ATM: variants seen among roughly 807,000 people sequenced by gnomAD.
ATM encodes the protein serine-protein kinase ATM.
Under a neutral mutation model 387.0 loss-of-function variants are expected in ATM, and 308 were observed. The ratio of observed to expected loss-of-function variants is 0.80; its 90% CI spans 0.73 to 0.87. The LOEUF is 0.87. Among genes scored for constraint, ATM ranks in the 40% least tolerant of loss-of-function variants. The pLI is 0.00. For missense variants in ATM, 3,312 were observed against 3,560.9 expected (o/e 0.93, Z 1.78); for synonymous variants, 1,156 against 1,187.3 (o/e 0.97, Z 0.54).
intron 40 of ATM, among the ~76,000 whole-genome samples, chr11:108,313,238 C>T (rs912378789): frequency 1.3e-5 from 2 of 152,118 alleles, no homozygotes; most frequent in Non-Finnish European, 2.9e-5. Context: ...ATGCTGTTCT[C>T]CCTCTGAACT....
intron 61 of ATM, among the ~76,000 whole-genome samples, chr11:108,357,301 C>A (rs1169973597): frequency 6.6e-6 from 1 of 152,172 alleles, no homozygotes; most frequent in East Asian, 1.9e-4. Flanking sequence ...CCTACGCCCA[C>A]GGAGTCTCGC....
chr11:108,315,950 G>A (rs760006500), intron 41 of ATM, 39 bp downstream of exon 41: 1 of 1,606,932 alleles, frequency 6.2e-7, no homozygotes, highest in South Asian at 1.1e-5. Flanking sequence ...TAGTAATTCT[G>A]TTTATGAAGG....
intron 5 of ATM, among the ~76,000 whole-genome samples, chr11:108,242,198 T>C (rs867146586): frequency 6.6e-6 from 1 of 152,302 alleles, no homozygotes. Flanking sequence ...GCAGATCCTA[T>C]AGATATTCAA....
At chr11:108,241,121 GT>G (rs1390378706) in intron 5 of ATM, among the ~76,000 whole-genome samples, 1 of 152,110 alleles carries the variant, frequency 6.6e-6, no homozygotes, top group East Asian at 1.9e-4. Context: ...CCTACATAAG[GT>G]CAGGATCATC....
intron 24 of ATM, among the ~76,000 whole-genome samples, chr11:108,281,979 T>G (rs2082257746): frequency 6.6e-6 from 1 of 152,150 alleles, no homozygotes; most frequent in Non-Finnish European, 1.5e-5. Context: ...ATTTATTTAT[T>G]TTGAAAGACA....
At chr11:108,357,161 C>G (rs1017018727) in intron 61 of ATM, among the ~76,000 whole-genome samples, 1 of 152,222 alleles carries the variant, frequency 6.6e-6, no homozygotes, top group Non-Finnish European at 1.5e-5. Context: ...AGTTCCCTTT[C>G]CTAGTCAAAG....
rs786203953 is a variant in ATM, at chr11:108,293,417, G to C, written c.4716G>C (p.Lys1572Asn). Reference protein sequence around the residue: ...LDPFPDHVVFKDLRITQQKIK... With the variant: ...LDPFPDHVVFNDLRITQQKIK... ...CTTTTCCTGACCATGTTGTTTTTAA[G>C]GATTTGCGTATTACTCAGCAAAAAA... is the stretch of plus-strand genomic sequence containing the variant. Residue 1572 changes from lysine (K) to asparagine (N), a missense_variant, in exon 31 of 63, where the codon AAG (lysine) becomes AAC (asparagine). By Grantham distance (94) the Lys-to-Asn change is moderately conservative. Transcript: ENST00000675843. 1 of 1,612,386 alleles carries C rather than the reference G, an allele frequency of 6.2e-7. No homozygotes were observed. Among genetic ancestry groups the C allele is most frequent in the East Asian group, 2.2e-5 (1 of 44,750 alleles).
chr11:108,258,335 A>G (rs776454974), intron 15 of ATM, among the ~76,000 whole-genome samples: 2 of 152,210 alleles, frequency 1.3e-5, no homozygotes, highest in Non-Finnish European at 2.9e-5. Context: ...AGATTGCCTT[A>G]TGACTTTTAT....
At position 108,271,323 on chromosome 11, in the gene ATM, G is replaced by A. The variant is rs1555085118; in HGVS notation, c.2994G>A (p.Val998=). 2 of 1,613,628 alleles carry A rather than the reference G, an allele frequency of 1.2e-6. No homozygotes were observed. Among genetic ancestry groups the A allele is most frequent in the Non-Finnish European group, 1.7e-6 (2 of 1,179,956 alleles). Residue 998 remains valine (V), a synonymous_variant, in exon 20 of 63, where the codon GTG becomes GTA. Coordinates refer to ENST00000675843, the MANE Select transcript of ATM (RefSeq NM_000051.4). ...TTTTAAACCATGTCCTTCATGTAGT[G>A]AAAAACCTAGGTCAAAGCAATATGG... ...KTILNHVLHV[V]KNLGQSNMDS... is the part of the protein sequence containing the mutation.
chr11:108,252,071 T>C, intron 11 of ATM, 40 bp downstream of exon 11: 1 of 1,570,372 alleles, frequency 6.4e-7, no homozygotes, highest in Non-Finnish European at 8.7e-7. Context: ...TTTTTTTGTT[T>C]GTTTTATCAG....
rs1565371153 is a variant in ATM at position 108,244,817 on chromosome 11, ATATCT to A, written c.695_699del (p.Ile232SerfsTer20). 6.2e-7 allele frequency: 1 copy of A among 1,613,828 alleles called. No homozygotes were observed. Among genetic ancestry groups the A allele is most frequent in the East Asian group, 2.2e-5 (1 of 44,828 alleles). On this transcript the variant is annotated frameshift_variant, in exon 7 of 63. Transcript: ENST00000675843. LOFTEE classifies it high-confidence loss of function. The stretch of plus-strand genomic sequence containing the variant: ...GAAAAGAGCTCTTCAGGTCTAAATC[ATATCT>A]TAGCAGCTCTTACTATCTTCCTCAA...
chr11:108,279,029 C>T (rs554736219), intron 22 of ATM, among the ~76,000 whole-genome samples: 67 of 152,222 alleles, frequency 4.4e-4, no homozygotes, highest in Middle Eastern at 3.4e-3. Context: ...GTGGGTGTTA[C>T]GCAAAAGGTG....
intron 37 of ATM, among the ~76,000 whole-genome samples, chr11:108,306,110 TA>T (rs1190772984): frequency 6.6e-6 from 1 of 152,248 alleles, no homozygotes; most frequent in Non-Finnish European, 1.5e-5. Flanking sequence ...GACATGACTC[TA>T]ATGTCATTTA....
intron 1 of ATM, chr11:108,224,940 A>C (rs959215233): frequency 7.9e-5 from 12 of 152,242 alleles, no homozygotes; most frequent in African/African-American, 2.9e-4. Flanking sequence ...TGCATCTATC[A>C]GTGAATGAGC....
At chr11:108,270,434 G>A (rs1264898919) in intron 18 of ATM, among the ~76,000 whole-genome samples, 1 of 152,098 alleles carries the variant, frequency 6.6e-6, no homozygotes, top group Non-Finnish European at 1.5e-5. Flanking sequence ...CACAATAGAA[G>A]CTAGACTTTT....
In ATM at chr11:108,325,472, A is replaced by T; in HGVS notation, c.6735A>T (p.Glu2245Asp). The T allele has an allele frequency of 6.2e-7, 1 of 1,613,762 alleles. No individual in the cohort carries two copies. The highest frequency in any genetic ancestry group is 8.5e-7 in the Non-Finnish European group (1 of 1,179,922). Residue 2245 changes from glutamate (E) to aspartate (D), a missense_variant, in exon 46 of 63, where the codon GAA becomes GAT. Glu to Asp is a conservative substitution (Grantham distance 45). Around this residue, in one of 4 missense-constraint regions of ATM, gnomAD observed 1,405 missense variants for 1,604.4 expected, o/e 0.88. Transcript: ENST00000675843. ...AGGAAATGGACAACTCACAAAGAGA[A>T]TGTATTAAGGACATTCTCACCAAAC... The part of the protein sequence containing the change: ...MEKEMDNSQR[E>D]CIKDILTKHL...
At chr11:108,279,035 A>G (rs1344875973) in intron 22 of ATM, among the ~76,000 whole-genome samples, 1 of 152,212 alleles carries the variant, frequency 6.6e-6, no homozygotes, top group South Asian at 2.1e-4. Context: ...GTTACGCAAA[A>G]GGTGTACTGA....
chr11:108,261,819 A>G (rs1295523674), intron 16 of ATM, among the ~76,000 whole-genome samples: 1 of 152,216 alleles, frequency 6.6e-6, no homozygotes, highest in Non-Finnish European at 1.5e-5. Context: ...CCAACGCTAG[A>G]GAACTACGTG....
rs1565423912 is a variant in ATM at position 108,270,993 on chromosome 11, C to T, written c.2839-71C>T. ...ACAGGTGTGAGCCACTGCACCCGGC[C>T]TATGTTTATATACTTTTTAAAGTAA... On this transcript the variant is annotated intron_variant, in intron 18 of 62. Coordinates refer to ENST00000675843, the MANE Select transcript of ATM (RefSeq NM_000051.4). The T allele has an allele frequency of 2.3e-6, 3 of 1,332,122 alleles. No individual in the cohort carries two copies. The East Asian group carries it at 7.1e-5, about 31-fold the overall frequency. The allele number at this position is 1,332,122 out of a possible 1,614,324, so 82.5% of individuals were successfully genotyped here.
Sources: gnomAD v4.1 joint callset for allele counts (sites outside exome capture counted in the v4.1 genomes callset) on GRCh38, gnomAD v4.1.1 for gene constraint, gnomAD v4.1.1 regional missense constraint, MANE v1.5 for transcripts, NCBI Gene and HGNC (gene_info 2026-07-23, HGNC 2026-07-21) for gene names.